Variants in ANKH observed in about 807,000 individuals in gnomAD.
ANKH encodes mineralization regulator ANKH.
Under a neutral mutation model 49.0 loss-of-function variants are expected in ANKH, and 15 were observed. The observed-to-expected ratio is 0.31, with a 90% CI of 0.20 to 0.47. The LOEUF is 0.47. Among genes scored for constraint, ANKH ranks in the 20% least tolerant of loss-of-function variants. The pLI is 1.00. For synonymous variants in ANKH, 273 were observed against 260.0 expected, an observed-to-expected ratio of 1.05 and a Z score of -0.48; for missense variants, 429 against 652.0, an observed-to-expected ratio of 0.66 and a Z score of 3.72.
chr5:14,815,244 A>C (rs947250607), intron 1 of ANKH, among the ~76,000 whole-genome samples: 3 of 152,212 alleles, frequency 2.0e-5, no homozygotes, highest in African/African-American at 7.2e-5. Flanking sequence ...GACCACAGGC[A>C]AGTCTCCCGA....
intron 1 of ANKH, among the ~76,000 whole-genome samples, chr5:14,775,700 G>A (rs1442591159): frequency 6.6e-6 from 1 of 152,232 alleles, no homozygotes; most frequent in Non-Finnish European, 1.5e-5. Context: ...TATATTTAAG[G>A]AACAGAAGGG....
chr5:14,716,193 T>C (rs999608068), intron 9 of ANKH, among the ~76,000 whole-genome samples: 7 of 152,182 alleles, frequency 4.6e-5, no homozygotes, highest in Non-Finnish European at 1.0e-4. Context: ...GTTTTTGTAA[T>C]CACTGCACTT....
intron 6 of ANKH, 142 bp from the exon 7 acceptor site, chr5:14,746,104 C>T (rs1355248521): frequency 2.7e-6 from 2 of 728,480 alleles, no homozygotes; most frequent in Admixed American, 2.0e-5. Context: ...ATCAGGCAAG[C>T]ACAGGACGGC....
At chr5:14,794,334 T>G (rs1393983290) in intron 1 of ANKH, among the ~76,000 whole-genome samples, 1 of 152,190 alleles carries the variant, frequency 6.6e-6, no homozygotes, top group African/African-American at 2.4e-5. Flanking sequence ...ATGATGTAAC[T>G]ATAGTGGGGA....
intron 8 of ANKH, among the ~76,000 whole-genome samples, chr5:14,740,872 T>G (rs1026850586): frequency 6.6e-6 from 1 of 152,214 alleles, no homozygotes; most frequent in Non-Finnish European, 1.5e-5. Flanking sequence ...TTATTGACAA[T>G]GACAACTGCA....
chr5:14,757,284 A>T (rs890633213), intron 3 of ANKH, among the ~76,000 whole-genome samples: 1 of 152,092 alleles, frequency 6.6e-6, no homozygotes, highest in Admixed American at 6.5e-5. Context: ...ATCTAACTGC[A>T]TATAAACTTG....
intron 1 of ANKH, among the ~76,000 whole-genome samples, chr5:14,814,019 C>T (rs551289994): frequency 5.9e-5 from 9 of 152,298 alleles, no homozygotes; most frequent in Admixed American, 1.3e-4. Context: ...ACTCCTCCCT[C>T]CTAATTTCCA....
chr5:14,711,239 C>T lies in ANKH; in HGVS notation c.1437G>A (p.Glu479=), dbSNP rs1352987277. Residue 479 remains glutamate, a synonymous_variant, in exon 12 of 12, where the codon GAG becomes GAA. Coordinates refer to ENST00000284268, the MANE Select transcript of ANKH (RefSeq NM_054027.6). ...TCATTTCCACGATGTCTGTCACCTC[C>T]TCTGTCGGAGGCATGTCTGTCATGG... ...DSAMTDMPPT[E]EVTDIVEMRE... 6.2e-7 allele frequency: 1 copy of T among 1,614,136 alleles called. No homozygotes were observed. The highest frequency in any genetic ancestry group is 1.7e-5 in the Admixed American group (1 of 60,028).
Position 14,726,829 on chromosome 5 carries a change from C to T in ANKH, c.1012-9994G>A, listed in dbSNP as rs528006305. Among the ~76,000 whole-genome samples the T allele has an allele frequency of 3.9e-5, 6 of 152,318 alleles. No individual in the cohort carries two copies. In the South Asian group the frequency reaches 8.3e-4, roughly 21 times the overall value. Reference sequence around the variant, plus strand: ...GCAAATGACTCCCATTTCTGGGGAACGGTGCTTAAGGTGTGCATACCTGTA... The same window carrying T: ...GCAAATGACTCCCATTTCTGGGGAATGGTGCTTAAGGTGTGCATACCTGTA... On this transcript the variant is annotated intron_variant, in intron 8 of 11. Transcript: ENST00000284268.
At chr5:14,792,419 G>A (rs1313535929) in intron 1 of ANKH, among the ~76,000 whole-genome samples, 1 of 152,188 alleles carries the variant, frequency 6.6e-6, no homozygotes, top group Non-Finnish European at 1.5e-5. Flanking sequence ...GTGATGATGG[G>A]ACAGGAGGGT....
intron 8 of ANKH, chr5:14,741,619 C>T (rs1324551573): frequency 2.2e-5 from 12 of 555,270 alleles, no homozygotes; most frequent in East Asian, 1.6e-4. Flanking sequence ...CCAAGAAATG[C>T]CTGAAGTGGG....
intron 1 of ANKH, among the ~76,000 whole-genome samples, chr5:14,824,771 C>G (rs1741291731): frequency 1.3e-5 from 2 of 152,154 alleles, no homozygotes; most frequent in South Asian, 4.1e-4. Context: ...TGCCTGGCCC[C>G]TGACTTCTGC....
Position 14,713,306 on chromosome 5 carries a change from T to C in ANKH, c.1265+238A>G, listed in dbSNP as rs562299525. Among the ~76,000 whole-genome samples the C allele has an allele frequency of 6.6e-6, 1 of 152,304 alleles. No individual in the cohort carries two copies. The highest frequency in any genetic ancestry group is 6.5e-5 in the Admixed American group (1 of 15,306). On this transcript the variant is annotated intron_variant, in intron 10 of 11. Transcript: ENST00000284268. The surrounding 1 kb of genome is among the most constrained non-coding windows in gnomAD (Gnocchi z 4.4). The stretch of plus-strand genomic sequence containing the variant: ...GTTCAAGCCCGTGCAGGGCCGGCCA[T>C]GCCCTGACAGGAGCTCAGTGGCTAT...
chr5:14,737,015 C>G lies in ANKH; in HGVS notation c.1011+4812G>C, dbSNP rs2126458538. On this transcript the variant is annotated intron_variant, in intron 8 of 11. Transcript: ENST00000284268. This position sits in a 1 kb window ranked among gnomAD's most constrained non-coding sequence, Gnocchi z 5.0. Reference sequence around the variant, plus strand: ...TGTTCTGAAAATGCCATTGTGAAATCAAAATGGAAACTAGTCAACTAAAAG... The same window carrying G: ...TGTTCTGAAAATGCCATTGTGAAATGAAAATGGAAACTAGTCAACTAAAAG... Among the ~76,000 whole-genome samples, 2 of 152,282 alleles carry G rather than the reference C, an allele frequency of 1.3e-5. No homozygotes were observed. Among genetic ancestry groups the G allele is most frequent in the East Asian group, 1.9e-4 (1 of 5,188 alleles).
chr5:14,773,468 G>A (rs1448833714), intron 1 of ANKH, among the ~76,000 whole-genome samples: 1 of 147,816 alleles, frequency 6.8e-6, no homozygotes, highest in East Asian at 2.0e-4. Flanking sequence ...TCAAGCCAGT[G>A]CTGAGGCAGG....
At chr5:14,717,675 AG>A (rs933603778) in intron 8 of ANKH, among the ~76,000 whole-genome samples, 1 of 152,178 alleles carries the variant, frequency 6.6e-6, no homozygotes, top group African/African-American at 2.4e-5. Context: ...GGTAAAACAG[AG>A]GGGTACCTGG....
chr5:14,789,532 C>T (rs999457565), intron 1 of ANKH, among the ~76,000 whole-genome samples: 5 of 150,954 alleles, frequency 3.3e-5, no homozygotes, highest in African/African-American at 1.2e-4. Context: ...CAGTGTTTGG[C>T]TTGGTAACCT....
At chr5:14,862,488 T>A (rs941079078) in intron 1 of ANKH, among the ~76,000 whole-genome samples, 1 of 152,188 alleles carries the variant, frequency 6.6e-6, no homozygotes. Context: ...TACGGCTTGA[T>A]ATGAATGACC....
intron 7 of ANKH, among the ~76,000 whole-genome samples, chr5:14,742,244 C>T (rs1015316136): frequency 2.0e-5 from 3 of 152,208 alleles, no homozygotes; most frequent in Non-Finnish European, 2.9e-5. Flanking sequence ...CCATGCACCC[C>T]GCTCCTGGTC....
Sources: gnomAD v4.1 joint callset for allele counts (sites outside exome capture counted in the v4.1 genomes callset) on GRCh38, gnomAD v4.1.1 for gene constraint, Gnocchi (gnomAD v3.1) non-coding constraint, MANE v1.5 for transcripts, NCBI Gene and HGNC (gene_info 2026-07-23, HGNC 2026-07-21) for gene names.